The following ETFA variants were observed in gnomAD, a reference collection of about 807,000 sequenced individuals.
ETFA encodes the protein electron transfer flavoprotein subunit alpha.
ETFA carries 22 observed loss-of-function variants against 46.2 expected under a neutral mutation model. The observed-to-expected ratio is 0.48, with a 90% CI of 0.34 to 0.68. ETFA has a LOEUF of 0.68. ETFA is among the 30% of genes least tolerant of loss of function. The probability of loss-of-function intolerance (pLI) is 0.01; values close to 1 mark genes in which losing one functional copy is unlikely to be tolerated. For missense variants in ETFA, 345 were observed against 401.1 expected, an observed-to-expected ratio of 0.86 and a Z score of 1.19; for synonymous variants, 131 against 139.9, an observed-to-expected ratio of 0.94 and a Z score of 0.45.
chr15:76,260,633 A>T, intron 9 of ETFA: 1 of 1,528,270 alleles, frequency 6.5e-7, no homozygotes, highest in Non-Finnish European at 9.0e-7. Flanking sequence ...AGGACAGTTT[A>T]TAGGGTCCCA....
At chr15:76,271,912 T>C (rs1596211294) in intron 9 of ETFA, among the ~76,000 whole-genome samples, 1 of 121,836 alleles carries the variant, frequency 8.2e-6, no homozygotes, top group South Asian at 3.1e-4. Flanking sequence ...TGTGTGTGTA[T>C]ATACACACAC....
chr15:76,283,261 A>T (rs1200986044), intron 8 of ETFA, among the ~76,000 whole-genome samples: 4 of 152,060 alleles, frequency 2.6e-5, no homozygotes, highest in Non-Finnish European at 4.4e-5. Flanking sequence ...GCACGACCAC[A>T]GTGCACTGTC....
intron 8 of ETFA, among the ~76,000 whole-genome samples, chr15:76,276,810 C>T (rs72736888): frequency 0.095 from 14,407 of 152,156 alleles, 830 homozygotes; most frequent in Middle Eastern, 0.15. Context: ...CTGTTTCTTT[C>T]GTGGATTTCT....
At chr15:76,310,361 C>A (rs1474383345) in intron 1 of ETFA, among the ~76,000 whole-genome samples, 1 of 56,360 alleles carries the variant, frequency 1.8e-5, no homozygotes. Flanking sequence ...GGAAAATATC[C>A]ATGCCCAGAA....
At position 76,295,725 on chromosome 15, in the gene ETFA, G is replaced by A. The variant is rs754202690; in HGVS notation, c.52C>T (p.Arg18Ter). Reference sequence around the variant, plus strand: ...GCTATTACCAGGGTACTCTGAAATCGTAGCAATGAGGCCTAAAAAGAGCAA... The same window carrying A: ...GCTATTACCAGGGTACTCTGAAATCATAGCAATGAGGCCTAAAAAGAGCAA... ...GQLRRAASLLRFQSTLVIAEH... is the reference protein window; with the variant it reads ...GQLRRAASLL The change falls in exon 2 of 12, where the codon CGA (arginine) becomes TGA (stop). Residue 18 changes from arginine (R) to a stop codon, truncating the protein, a stop_gained. Transcript: ENST00000557943. LOFTEE classifies it high-confidence loss of function. 4.6e-5 allele frequency: 74 copies of A among 1,609,326 alleles called. No individual in the cohort carries two copies. Among genetic ancestry groups the A allele is most frequent in the South Asian group, 1.2e-4 (11 of 90,984 alleles).
chr15:76,218,563 AC>A, intron 11 of ETFA, among the ~76,000 whole-genome samples: 1 of 152,260 alleles, frequency 6.6e-6, no homozygotes, highest in African/African-American at 2.4e-5. Context: ...GAGCCACTGC[AC>A]CCAGCCCAAC....
At chr15:76,287,091 T>C (rs1284417250) in intron 5 of ETFA, among the ~76,000 whole-genome samples, 4 of 152,062 alleles carry the variant, frequency 2.6e-5, no homozygotes, top group South Asian at 4.1e-4. Context: ...AAACGAAGAG[T>C]TCACTGCCTT....
chr15:76,294,978 G>C (rs8028504), intron 2 of ETFA, among the ~76,000 whole-genome samples: 43,481 of 152,120 alleles, frequency 0.29, 6,654 homozygotes, highest in East Asian at 0.58. Flanking sequence ...ACTGGTGGCT[G>C]AAGGTGTGTA....
chr15:76,248,176 G>C (rs1470420086), intron 9 of ETFA, among the ~76,000 whole-genome samples: 1 of 152,160 alleles, frequency 6.6e-6, no homozygotes. Flanking sequence ...AAGTGTAGTA[G>C]GGGTACAGTA....
chr15:76,288,461 C>T (rs1567216609), intron 4 of ETFA, among the ~76,000 whole-genome samples: 3 of 152,104 alleles, frequency 2.0e-5, no homozygotes, highest in Non-Finnish European at 4.4e-5. Flanking sequence ...CCTGTAATCC[C>T]AGCACTTTGG....
chr15:76,281,600 A>AT (rs1209233246), intron 8 of ETFA, among the ~76,000 whole-genome samples: 5 of 150,084 alleles, frequency 3.3e-5, no homozygotes, highest in African/African-American at 1.2e-4. Context: ...TAATTTTTGT[A>AT]TTTTTTAGTA....
At position 76,311,459 on chromosome 15, in the gene ETFA, A is replaced by C. The variant is rs116149551; in HGVS notation, c.-71T>G. ...CCGGCCAACTGGCGCCGCCTCAGCCAGTCACCTAATGCTCGCGAGACGCGC... is the reference window on the plus strand; with the variant it reads ...CCGGCCAACTGGCGCCGCCTCAGCCCGTCACCTAATGCTCGCGAGACGCGC... On this transcript the variant is annotated 5_prime_UTR_variant, in exon 1 of 12. Coordinates refer to ENST00000557943, the MANE Select transcript of ETFA (RefSeq NM_000126.4). 2 of 1,528,496 alleles carry C rather than the reference A, an allele frequency of 1.3e-6. No homozygotes were observed. Among genetic ancestry groups the C allele is most frequent in the Non-Finnish European group, 1.8e-6 (2 of 1,134,826 alleles). The allele number at this position is 1,528,496 out of a possible 1,614,324, so 94.7% of individuals were successfully genotyped here. A position where few individuals can be genotyped will look rare whatever the true frequency, so the allele number is the denominator to read the frequency against.
chr15:76,280,352 T>C (rs2141523653), intron 8 of ETFA, among the ~76,000 whole-genome samples: 1 of 152,238 alleles, frequency 6.6e-6, no homozygotes, highest in South Asian at 2.1e-4. Context: ...ATCCTACCAC[T>C]CGCCAGGAAA....
At chr15:76,242,252 G>A (rs919095667) in intron 9 of ETFA, among the ~76,000 whole-genome samples, 22 of 152,164 alleles carry the variant, frequency 1.4e-4, no homozygotes, top group African/African-American at 5.3e-4. Flanking sequence ...TTATCTATGC[G>A]ATCTCTTTAT....
intron 9 of ETFA, among the ~76,000 whole-genome samples, chr15:76,262,644 G>A (rs1028651294): frequency 6.6e-5 from 10 of 151,838 alleles, no homozygotes; most frequent in African/African-American, 1.7e-4. Flanking sequence ...CACCATGCCC[G>A]GCTAATTTTT....
intron 9 of ETFA, among the ~76,000 whole-genome samples, chr15:76,270,200 G>A (rs755788123): frequency 2.8e-4 from 42 of 152,118 alleles, no homozygotes; most frequent in Non-Finnish European, 5.1e-4. Flanking sequence ...GGGTGGGGAG[G>A]GTATCTATAC....
intron 9 of ETFA, among the ~76,000 whole-genome samples, chr15:76,251,445 AG>A (rs2039296506): frequency 6.6e-6 from 1 of 152,200 alleles, no homozygotes; most frequent in Admixed American, 6.5e-5. Flanking sequence ...GGGTTTTAAA[AG>A]GGGTGACAAT....
chr15:76,233,147 G>A (rs1403341259), intron 9 of ETFA, among the ~76,000 whole-genome samples: 1 of 152,064 alleles, frequency 6.6e-6, no homozygotes, highest in Non-Finnish European at 1.5e-5. Flanking sequence ...AGGATAAAAA[G>A]CAATTGCATG....
chr15:76,285,951 A>G (rs1023960505), intron 6 of ETFA, among the ~76,000 whole-genome samples: 26 of 152,236 alleles, frequency 1.7e-4, no homozygotes, highest in African/African-American at 5.1e-4. Context: ...GACTCCAGAA[A>G]TCATTCAATT....
Sources: allele counts gnomAD v4.1 joint callset (sites outside exome capture counted in the v4.1 genomes callset), GRCh38; gene constraint gnomAD v4.1.1; transcripts MANE v1.5; gene names NCBI Gene and HGNC (gene_info 2026-07-23, HGNC 2026-07-21).